Variants in NEB observed in about 807,000 individuals in gnomAD.
NEB encodes nemaline myopathy type 2.
In NEB, 512 loss-of-function variants were observed where a neutral mutation model predicts 952.2. That is an observed-to-expected ratio of 0.54 (90% CI 0.50 to 0.58). The LOEUF is 0.58. Among genes scored for constraint, NEB ranks in the 20% least tolerant of loss-of-function variants. The probability of loss-of-function intolerance (pLI) is 0.00; values close to 1 mark genes in which losing one functional copy is unlikely to be tolerated. For synonymous variants in NEB, 2,900 were observed against 3,149.8 expected (o/e 0.92, Z 2.66); for missense variants, 8,428 against 9,231.1 (o/e 0.91, Z 3.56).
intron 17 of NEB, among the ~76,000 whole-genome samples, chr2:151,696,288 C>A (rs1327926586): frequency 2.6e-5 from 4 of 152,134 alleles, no homozygotes; most frequent in African/African-American, 7.2e-5. Context: ...CTCTTCAAAA[C>A]AGCCACAAAT....
chr2:151,508,325 A>T (rs2153220052), intron 161 of NEB, among the ~76,000 whole-genome samples: 1 of 152,320 alleles, frequency 6.6e-6, no homozygotes, highest in Non-Finnish European at 1.5e-5. Flanking sequence ...CTAAGCCCAG[A>T]CATTCAGTAG....
Position 151,678,096 on chromosome 2 carries a change from T to A in NEB, c.3347A>T (p.Asn1116Ile). 1 of 1,613,886 alleles carries A rather than the reference T, an allele frequency of 6.2e-7. No homozygotes were observed. Among genetic ancestry groups the A allele is most frequent in the Non-Finnish European group, 8.5e-7 (1 of 1,179,792 alleles). Reference sequence around the variant, plus strand: ...CCGATCTGATTGTATCTTGGCCACGTTCATATAATGAACCAGTTTAGGGTC... The same window carrying A: ...CCGATCTGATTGTATCTTGGCCACGATCATATAATGAACCAGTTTAGGGTC... ...QDDPKLVHYM[N>I]VAKIQSDREY... The change falls in exon 33 of 182, where the codon AAC becomes ATC. Residue 1116 changes from asparagine (N) to isoleucine (I), a missense_variant. Asn to Ile is a moderately radical substitution (Grantham distance 149). Around this residue, in one of 11 missense-constraint regions of NEB, gnomAD observed 2,851 missense variants for 2,791.5 expected, o/e 1.02. Transcript: ENST00000397345.
chr2:151,663,818 G>C lies in NEB; in HGVS notation c.5493C>G (p.His1831Gln). ...CATCTTCCAGGCTCCGGAAGCCAATGTGTTTCCCTTTGGCTTGTTCATAGG... is the reference window on the plus strand; with the variant it reads ...CATCTTCCAGGCTCCGGAAGCCAATCTGTTTCCCTTTGGCTTGTTCATAGG... ...KKAYEQAKGK[H>Q]IGFRSLEDDP... is the part of the protein sequence containing the mutation. Residue 1831 changes from histidine (H) to glutamine (Q), a missense_variant, in exon 45 of 182, where the codon CAC (histidine) becomes CAG (glutamine). By Grantham distance (24) the His-to-Gln change is conservative. Coordinates refer to ENST00000397345, the MANE Select transcript of NEB (RefSeq NM_001164508.2). 6.2e-7 allele frequency: 1 copy of C among 1,613,824 alleles called. No homozygotes were observed. The highest frequency in any genetic ancestry group is 8.5e-7 in the Non-Finnish European group (1 of 1,179,752).
At position 151,671,136 on chromosome 2, in the gene NEB, C is replaced by T. The variant is rs745382279; in HGVS notation, c.4393G>A (p.Asp1465Asn). 1.5e-5 allele frequency: 25 copies of T among 1,613,804 alleles called. No individual in the cohort carries two copies. The highest frequency in any genetic ancestry group is 8.0e-5 in the African/African-American group (6 of 74,926). ...CGATACTTCCTCTCATTTAATGCAT[C>T]GCCTGCTTTCTTGACCTTCTCCACC... ...LEVEKVKKAG[D>N]ALNERKYRQH... The change falls in exon 38 of 182, where the codon GAT becomes AAT. Residue 1465 changes from aspartate to asparagine, a missense_variant. By Grantham distance (23) the Asp-to-Asn change is conservative. Transcript: ENST00000397345.
In NEB at chr2:151,512,596, G is replaced by C. The variant is rs1448324258; in HGVS notation, c.23346+137C>G. ...CCCAAAGTGCTGGGAATACAGACGTGAGCCACTGCACCTGGTGAATCTCTT... is the reference window on the plus strand; with the variant it reads ...CCCAAAGTGCTGGGAATACAGACGTCAGCCACTGCACCTGGTGAATCTCTT... On this transcript the variant is annotated intron_variant, in intron 161 of 181. Transcript: ENST00000397345. The C allele has an allele frequency of 9.8e-6, 7 of 715,430 alleles. No individual in the cohort carries two copies. The Admixed American group carries it at 1.5e-4, about 15-fold the overall frequency. 44.3% of individuals were successfully genotyped at this position (715,430 alleles called of 1,614,324 possible).
At chr2:151,629,385 T>C (rs2154067766) in intron 68 of NEB, among the ~76,000 whole-genome samples, 154 bp downstream of exon 68, 1 of 152,348 alleles carries the variant, frequency 6.6e-6, no homozygotes, top group Middle Eastern at 3.4e-3. Context: ...GCTTAAAACA[T>C]GAGTTTTTTC....
At chr2:151,629,485 T>A (rs2098610616) in intron 68 of NEB, 54 bp downstream of exon 68, 1 of 1,413,376 alleles carries the variant, frequency 7.1e-7, no homozygotes, top group East Asian at 2.3e-5. Flanking sequence ...ATAGTAATAA[T>A]CCTGCCTCCC....
At chr2:151,723,821 A>T (rs116719754) in intron 8 of NEB, among the ~76,000 whole-genome samples, 1,804 of 146,890 alleles carry the variant, frequency 0.012, 41 homozygotes, top group African/African-American at 0.043. Flanking sequence ...AAGTGCTAAC[A>T]CAATGTAAGG....
chr2:151,612,434 G>T (rs75470740), intron 77 of NEB, 45 bp from the exon 78 acceptor site: 23 of 1,535,360 alleles, frequency 1.5e-5, no homozygotes, highest in Non-Finnish European at 2.0e-5. Flanking sequence ...TCACCTAGAC[G>T]GCCTGGTGCC....
chr2:151,644,560 C>T lies in NEB; in HGVS notation c.7552G>A (p.Gly2518Ser). ...INTSDKLYRM[G>S]YEELKRKGYD... ...CCTTTTCTCTTCAGCTCCTCATAAC[C>T]CATTCGGTAGAGTTTCTGTTAAGAA... Residue 2518 changes from glycine (G) to serine (S), a missense_variant, in exon 56 of 182, where the codon GGT becomes AGT. Physicochemically the swap from Gly to Ser is moderately conservative, Grantham distance 56. Transcript: ENST00000397345. The T allele has an allele frequency of 1.9e-6, 3 of 1,613,410 alleles. No individual in the cohort carries two copies. Among genetic ancestry groups the T allele is most frequent in the Non-Finnish European group, 2.5e-6 (3 of 1,179,414 alleles).
chr2:151,526,093 T>C (rs773768243), intron 149 of NEB, 25 bp from the exon 150 acceptor site: 1 of 1,612,336 alleles, frequency 6.2e-7, no homozygotes, highest in South Asian at 1.1e-5. Flanking sequence ...AGAGAGCTCA[T>C]TAAGGCATCT....
At chr2:151,700,829 C>G (rs1272920380) in intron 13 of NEB, among the ~76,000 whole-genome samples, 15 of 132,334 alleles carry the variant, frequency 1.1e-4, no homozygotes, top group Admixed American at 1.1e-3. Context: ...ATTTGACTTC[C>G]TCTTTTCCTA....
At position 151,568,086 on chromosome 2, in the gene NEB, A is replaced by G; in HGVS notation, c.17829T>C (p.Asn5943=). 6.2e-7 allele frequency: 1 copy of G among 1,613,456 alleles called. No individual in the cohort carries two copies. The highest frequency in any genetic ancestry group is 8.5e-7 in the Non-Finnish European group (1 of 1,179,566). The part of the protein sequence containing the change: ...AVPFVHAHHC[N]DVQSELKYKA... ...GATGTATTACCTCACTCTGAACGTC[A>G]TTGCAGTGATGGGCATGAACAAATG... Residue 5943 remains asparagine (N), a synonymous_variant, in exon 113 of 182, where the codon AAT becomes AAC. Transcript: ENST00000397345.
Position 151,610,006 on chromosome 2 carries a change from T to C in NEB, c.12133A>G (p.Arg4045Gly). 1.9e-6 allele frequency: 3 copies of C among 1,613,956 alleles called. No homozygotes were observed. The South Asian group carries it at 3.3e-5, about 18-fold the overall frequency. The change falls in exon 81 of 182, where the codon AGG (arginine) becomes GGG (glycine). Residue 4045 changes from arginine (R) to glycine (G), a missense_variant. By Grantham distance (125) the Arg-to-Gly change is moderately radical (BLOSUM62 -2). This residue lies in a region of NEB where 337 missense variants were observed against 297.5 expected (regional missense o/e 1.13). Coordinates refer to ENST00000397345, the MANE Select transcript of NEB (RefSeq NM_001164508.2). ...TTTTGGAATTCCTTCTTGTACTCCC[T>C]TTCACTTTGAATTTTTCCTGCATGT... The part of the protein sequence containing the change: ...AIHAGKIQSE[R>G]EYKKEFQKWK...
rs1553600682 is a variant in NEB at position 151,694,316 on chromosome 2, A to T, written c.1896+7T>A. 6.2e-7 allele frequency: 1 copy of T among 1,610,656 alleles called. No homozygotes were observed. Among genetic ancestry groups the T allele is most frequent in the Non-Finnish European group, 8.5e-7 (1 of 1,176,890 alleles). ...TGAAAATAGGGGTGAATTACAAAGA[A>T]ACTCACATCACTCTGGTTTTTGGCC... On this transcript the variant is annotated splice_region_variant and intron_variant, in intron 20 of 181. Coordinates refer to ENST00000397345, the MANE Select transcript of NEB (RefSeq NM_001164508.2).
intron 62 of NEB, 151 bp downstream of exon 62, chr2:151,639,706 T>C: frequency 1.5e-6 from 1 of 658,092 alleles, no homozygotes; most frequent in South Asian, 2.1e-5. Flanking sequence ...TATATATCAG[T>C]TATTAATAGA....
chr2:151,546,056 G>A lies in NEB; in HGVS notation c.20467-58C>T, dbSNP rs1255334358. 6 of 1,090,568 alleles carry A rather than the reference G, an allele frequency of 5.5e-6. No individual in the cohort carries two copies. The East Asian group carries it at 1.5e-4, about 28-fold the overall frequency. The allele number at this position is 1,090,568 out of a possible 1,614,324, so 67.6% of individuals were successfully genotyped here. A position where few individuals can be genotyped will look rare whatever the true frequency, so the allele number is the denominator to read the frequency against. On this transcript the variant is annotated intron_variant, in intron 134 of 181. Coordinates refer to ENST00000397345, the MANE Select transcript of NEB (RefSeq NM_001164508.2). ...TTGATTAATCATTTAAGGGATTCATGTCATATTGTCTTTCAAATGTCTGGC... is the reference window on the plus strand; with the variant it reads ...TTGATTAATCATTTAAGGGATTCATATCATATTGTCTTTCAAATGTCTGGC...
rs773702715 is a variant in NEB, at chr2:151,692,127, G to T, written c.2038C>A (p.His680Asn). Reference protein sequence around the residue: ...KDLYVKDVLGHYVGSMEDPYH... With the variant: ...KDLYVKDVLGNYVGSMEDPYH... Reference sequence around the variant, plus strand: ...GGGTCCTCCATGCTGCCTACATAATGTCCCAAAACATCCTTTACATATAAG... The same window carrying T: ...GGGTCCTCCATGCTGCCTACATAATTTCCCAAAACATCCTTTACATATAAG... The change falls in exon 22 of 182, where the codon CAT becomes AAT. Residue 680 changes from histidine to asparagine, a missense_variant. His to Asn is a moderately conservative substitution (Grantham distance 68). Coordinates refer to ENST00000397345, the MANE Select transcript of NEB (RefSeq NM_001164508.2). 4.3e-6 allele frequency: 7 copies of T among 1,613,920 alleles called. No individual in the cohort carries two copies. Among genetic ancestry groups the T allele is most frequent in the Non-Finnish European group, 5.9e-6 (7 of 1,179,856 alleles).
chr2:151,519,686 A>G lies in NEB; in HGVS notation c.22562T>C (p.Met7521Thr), dbSNP rs1248026713. The change falls in exon 154 of 182, where the codon ATG becomes ACG. Residue 7521 changes from methionine (M) to threonine (T), a missense_variant. By Grantham distance (81) the Met-to-Thr change is moderately conservative. Around this residue, in one of 11 missense-constraint regions of NEB, gnomAD observed 3,374 missense variants for 3,651.5 expected, o/e 0.92. Coordinates refer to ENST00000397345, the MANE Select transcript of NEB (RefSeq NM_001164508.2). ...NPKDSQLYKV[M>T]KDANNLASEV... ...ACTTGCAAGATTATTAGCATCTTTC[A>G]TGACTTTGTAGAGCTGGCTGTCTTT... The G allele has an allele frequency of 2.0e-5, 32 of 1,612,280 alleles. No homozygotes were observed. Among genetic ancestry groups the G allele is most frequent in the Non-Finnish European group, 2.7e-5 (32 of 1,178,688 alleles).
Sources: allele counts gnomAD v4.1 joint callset (sites outside exome capture counted in the v4.1 genomes callset), GRCh38; gene constraint gnomAD v4.1.1; regional missense constraint gnomAD v4.1.1; transcripts MANE v1.5; gene names NCBI Gene and HGNC (gene_info 2026-07-23, HGNC 2026-07-21).